Variants in PRLR observed in about 807,000 individuals in gnomAD.
PRLR encodes prolactin receptor.
A neutral mutation model predicts 40.2 loss-of-function variants in PRLR; 13 were observed. The observed-to-expected ratio is 0.32, with a 90% confidence interval of 0.21 to 0.51. PRLR has a LOEUF of 0.51. Ranked by LOEUF, PRLR falls within the 20% of genes least tolerant of loss-of-function variation. PRLR has a pLI of 0.97. For synonymous variants in PRLR, 269 were observed against 278.7 expected, an observed-to-expected ratio of 0.97 and a Z score of 0.35; for missense variants, 656 against 747.3, an observed-to-expected ratio of 0.88 and a Z score of 1.42.
chr5:35,106,805 T>C (rs966420554), intron 2 of PRLR, among the ~76,000 whole-genome samples: 2 of 152,120 alleles, frequency 1.3e-5, no homozygotes, highest in African/African-American at 2.4e-5. Flanking sequence ...TTGTCAACAT[T>C]AGACAGATCG....
rs1768798044 is a variant in PRLR, at chr5:35,057,664, A to G, written c.*7425T>C. The G allele has an allele frequency of 6.6e-6, 1 of 152,194 alleles. No individual in the cohort carries two copies. The highest frequency in any genetic ancestry group is 2.4e-5 in the African/African-American group (1 of 41,452). 9.4% of individuals were successfully genotyped at this position (152,194 alleles called of 1,614,324 possible). A position where few individuals can be genotyped will look rare whatever the true frequency, so the allele number is the denominator to read the frequency against. On this transcript the variant is annotated 3_prime_UTR_variant, in exon 10 of 10. Coordinates refer to ENST00000618457, the MANE Select transcript of PRLR (RefSeq NM_000949.7). ...ATAAATGAATAAAACCATGGAAAAC[A>G]GAGAGCACAATGTGCCATAAGCAAA...
At chr5:35,105,133 C>G (rs1772151553) in intron 2 of PRLR, among the ~76,000 whole-genome samples, 1 of 152,194 alleles carries the variant, frequency 6.6e-6, no homozygotes, top group Non-Finnish European at 1.5e-5. Context: ...CTCCAGCAAA[C>G]TCCAACAGAC....
intron 1 of PRLR, among the ~76,000 whole-genome samples, chr5:35,223,148 T>C (rs1776465473): frequency 6.6e-6 from 1 of 152,268 alleles, no homozygotes; most frequent in Non-Finnish European, 1.5e-5. Context: ...CAAATGTGCA[T>C]GTATATACAG....
intron 2 of PRLR, among the ~76,000 whole-genome samples, chr5:35,117,535 C>G (rs186770439): frequency 2.2e-3 from 335 of 152,248 alleles, no homozygotes; most frequent in Non-Finnish European, 4.0e-3. Flanking sequence ...TCCTGGCAGC[C>G]TAGGGTTTCC....
chr5:35,120,713 C>T (rs1374613914), intron 1 of PRLR, among the ~76,000 whole-genome samples: 1 of 152,152 alleles, frequency 6.6e-6, no homozygotes, highest in East Asian at 1.9e-4. Flanking sequence ...GATAGTACTA[C>T]TTAGTTCTGT....
chr5:35,173,135 T>C (rs74585662), intron 1 of PRLR, among the ~76,000 whole-genome samples: 1,768 of 152,328 alleles, frequency 0.012, 32 homozygotes, highest in African/African-American at 0.041. Context: ...CGTTTTGTCC[T>C]GATTCAAACG....
At chr5:35,089,326 T>A in intron 3 of PRLR, among the ~76,000 whole-genome samples, 1 of 152,196 alleles carries the variant, frequency 6.6e-6, no homozygotes, top group East Asian at 1.9e-4. Flanking sequence ...ATTACACTCC[T>A]GAAATGAGGA....
At chr5:35,086,469 T>C (rs935592129) in intron 3 of PRLR, 129 bp from the exon 4 acceptor site, 2 of 1,166,604 alleles carry the variant, frequency 1.7e-6, no homozygotes, top group Non-Finnish European at 2.4e-6. Context: ...AGACCTAGGG[T>C]GGATGCTCAG....
At chr5:35,077,864 A>AACT (rs1770222821) in intron 5 of PRLR, among the ~76,000 whole-genome samples, 1 of 152,206 alleles carries the variant, frequency 6.6e-6, no homozygotes, top group African/African-American at 2.4e-5. Flanking sequence ...CTCTCAGACC[A>AACT]CAGTGCAATC....
At chr5:35,133,123 C>T (rs1327552160) in intron 1 of PRLR, among the ~76,000 whole-genome samples, 1 of 149,826 alleles carries the variant, frequency 6.7e-6, no homozygotes, top group African/African-American at 2.5e-5. Context: ...CAGACTTATA[C>T]CAGGCCTCTC....
chr5:35,100,139 G>C (rs1771782312), intron 2 of PRLR, among the ~76,000 whole-genome samples: 1 of 146,732 alleles, frequency 6.8e-6, no homozygotes, highest in African/African-American at 2.6e-5. Flanking sequence ...GATTTGCAGC[G>C]AGCCATTGCA....
At chr5:35,079,541 C>T (rs1449016213) in intron 5 of PRLR, among the ~76,000 whole-genome samples, 2 of 152,136 alleles carry the variant, frequency 1.3e-5, no homozygotes, top group African/African-American at 4.8e-5. Flanking sequence ...CAAACCATTG[C>T]TCAATGAAAT....
chr5:35,224,751 C>G (rs1488153333), intron 1 of PRLR, among the ~76,000 whole-genome samples: 1 of 151,994 alleles, frequency 6.6e-6, no homozygotes, highest in Non-Finnish European at 1.5e-5. Context: ...GAGAGGGTAA[C>G]ATGCAAACCA....
intron 5 of PRLR, among the ~76,000 whole-genome samples, chr5:35,073,706 C>T (rs571879687): frequency 1.3e-5 from 2 of 152,280 alleles, no homozygotes; most frequent in African/African-American, 2.4e-5. Flanking sequence ...TGCTGGAGAG[C>T]AGGCCTGGGA....
At chr5:35,103,727 G>A (rs1772042614) in intron 2 of PRLR, among the ~76,000 whole-genome samples, 1 of 152,138 alleles carries the variant, frequency 6.6e-6, no homozygotes, top group South Asian at 2.1e-4. Flanking sequence ...CACTCAGTTT[G>A]GGAGACAGAA....
Position 35,058,942 on chromosome 5 carries a change from G to C in PRLR, c.*6147C>G, listed in dbSNP as rs969510410. On this transcript the variant is annotated 3_prime_UTR_variant, in exon 10 of 10. Transcript: ENST00000618457. ...AGGAAGGACATTAGGACACAAAAGG[G>C]AGGTAGTTACTTTAAAAAATTCAAA... 6.6e-6 allele frequency: 1 copy of C among 152,102 alleles called. No individual in the cohort carries two copies. 9.4% of individuals were successfully genotyped at this position (152,102 alleles called of 1,614,324 possible).
At chr5:35,145,160 C>T (rs10059483) in intron 1 of PRLR, among the ~76,000 whole-genome samples, 129,384 of 152,102 alleles carry the variant, frequency 0.85, 56,677 homozygotes, top group South Asian at 0.96. Flanking sequence ...TTGATTTTCA[C>T]AAACGTTTTA....
chr5:35,100,028 A>G (rs1055042685), intron 2 of PRLR, among the ~76,000 whole-genome samples: 19 of 151,914 alleles, frequency 1.3e-4, no homozygotes, highest in Admixed American at 5.9e-4. Context: ...TACAAAAAAA[A>G]TTAGCTGGGC....
At chr5:35,134,372 T>C (rs1426521365) in intron 1 of PRLR, among the ~76,000 whole-genome samples, 1 of 151,676 alleles carries the variant, frequency 6.6e-6, no homozygotes, top group Non-Finnish European at 1.5e-5. Context: ...ATCATATTGC[T>C]TTCTGGTCAC....
Sources: gnomAD v4.1 joint callset for allele counts (sites outside exome capture counted in the v4.1 genomes callset) on GRCh38, gnomAD v4.1.1 for gene constraint, MANE v1.5 for transcripts, NCBI Gene and HGNC (gene_info 2026-07-23, HGNC 2026-07-21) for gene names.